NALF1: variants seen among roughly 807,000 people sequenced by gnomAD.
NALF1 encodes the protein NALCN channel auxiliary factor 1.
A neutral mutation model predicts 48.4 loss-of-function variants in NALF1; 3 were observed. The observed-to-expected ratio is 0.06, with a 90% CI of 0.03 to 0.16. The LOEUF is 0.16. Among genes scored for constraint, NALF1 ranks in the 10% least tolerant of loss-of-function variants. The probability of loss-of-function intolerance (pLI) is 1.00; values close to 1 mark genes in which losing one functional copy is unlikely to be tolerated. For synonymous variants in NALF1, 262 were observed against 245.7 expected, an observed-to-expected ratio of 1.07 and a Z score of -0.62; for missense variants, 526 against 571.5, an observed-to-expected ratio of 0.92 and a Z score of 0.81.
chr13:107,317,377 G>A (rs1882170987), intron 1 of NALF1, among the ~76,000 whole-genome samples: 1 of 151,978 alleles, frequency 6.6e-6, no homozygotes, highest in African/African-American at 2.4e-5. Context: ...ACCATTCTAT[G>A]ATCCCATTGA....
chr13:107,488,090 G>A (rs1157722605), intron 1 of NALF1, among the ~76,000 whole-genome samples: 1 of 151,630 alleles, frequency 6.6e-6, no homozygotes, highest in African/African-American at 2.4e-5. Flanking sequence ...ATGGTTGTTT[G>A]TATTTCTGTG....
At chr13:107,203,605 C>CA (rs1879569068) in intron 2 of NALF1, among the ~76,000 whole-genome samples, 1 of 124,988 alleles carries the variant, frequency 8.0e-6, no homozygotes, top group Admixed American at 8.0e-5. Flanking sequence ...TGCTGTGCTC[C>CA]ATCCCCGTGG....
intron 1 of NALF1, among the ~76,000 whole-genome samples, chr13:107,699,080 C>T (rs561301711): frequency 6.6e-6 from 1 of 152,228 alleles, no homozygotes; most frequent in African/African-American, 2.4e-5. Flanking sequence ...GCTTATATCA[C>T]AACAAATATC....
chr13:107,798,160 G>A (rs1594274372), intron 1 of NALF1, among the ~76,000 whole-genome samples: 2 of 152,092 alleles, frequency 1.3e-5, no homozygotes, highest in Non-Finnish European at 2.9e-5. Flanking sequence ...GGGGCGCTAC[G>A]GCATCTGTCC....
At chr13:107,575,486 T>C (rs1019513780) in intron 1 of NALF1, among the ~76,000 whole-genome samples, 6 of 152,118 alleles carry the variant, frequency 3.9e-5, no homozygotes, top group South Asian at 2.1e-4. Flanking sequence ...CTTCTATACA[T>C]CCTGAAGAGC....
rs1402980085 is a variant in NALF1, at chr13:107,346,177, G to A, written c.916-135422C>T. Among the ~76,000 whole-genome samples the A allele has an allele frequency of 2.0e-5, 3 of 151,884 alleles. No homozygotes were observed. In the East Asian group the frequency reaches 5.8e-4, roughly 29 times the overall value. ...TGCGTACTTTGTTGGGGGCGGGGGGGCAGATTGTAAATTGGCATAGCTATT... is the reference window on the plus strand; with the variant it reads ...TGCGTACTTTGTTGGGGGCGGGGGGACAGATTGTAAATTGGCATAGCTATT... On this transcript the variant is annotated intron_variant, in intron 1 of 2. Transcript: ENST00000375915.
Position 107,866,918 on chromosome 13 carries a change from G to C in NALF1, c.-322C>G, listed in dbSNP as rs549127147. On this transcript the variant is annotated 5_prime_UTR_variant, in exon 1 of 3. Transcript: ENST00000375915. The surrounding 1 kb of genome is among the most constrained non-coding windows in gnomAD (Gnocchi z 4.4). ...AATAATGGAGAGAGAGAGAGAGAGA[G>C]AGACGGAGGAGGCTGGTGCTGGTGG... 5.9e-5 allele frequency among the ~76,000 whole-genome samples: 9 copies of C among 152,056 alleles called. No individual in the cohort carries two copies. The highest frequency in any genetic ancestry group is 1.9e-4 in the African/African-American group (8 of 41,428).
At chr13:107,213,086 G>A (rs750357128) in intron 1 of NALF1, among the ~76,000 whole-genome samples, 4 of 151,986 alleles carry the variant, frequency 2.6e-5, no homozygotes, top group South Asian at 2.1e-4. Flanking sequence ...ACGGTGGGGC[G>A]TCCAGTATTG....
intron 1 of NALF1, among the ~76,000 whole-genome samples, chr13:107,851,950 G>A (rs1880330871): frequency 6.6e-6 from 1 of 150,770 alleles, no homozygotes; most frequent in Non-Finnish European, 1.5e-5. Context: ...CTTGGACTCA[G>A]TGCATGCCAC....
chr13:107,676,476 C>A lies in NALF1; in HGVS notation c.915+189206G>T, dbSNP rs368593663. Among the ~76,000 whole-genome samples the A allele has an allele frequency of 2.5e-4, 38 of 152,206 alleles. No homozygotes were observed. In the South Asian group the frequency reaches 7.1e-3, roughly 28 times the overall value. ...GCATAGGTAAAATCACCTGTCAAGGCTAGAGGAATGGGGCTAGCTTAGGAG... is the reference window on the plus strand; with the variant it reads ...GCATAGGTAAAATCACCTGTCAAGGATAGAGGAATGGGGCTAGCTTAGGAG... On this transcript the variant is annotated intron_variant, in intron 1 of 2. Transcript: ENST00000375915.
chr13:107,852,558 T>C (rs978901614), intron 1 of NALF1, among the ~76,000 whole-genome samples: 4 of 152,202 alleles, frequency 2.6e-5, no homozygotes, highest in Admixed American at 6.5e-5. Flanking sequence ...AATGATCATA[T>C]CCTTTGCACA....
At chr13:107,491,023 G>A (rs1470160892) in intron 1 of NALF1, among the ~76,000 whole-genome samples, 1 of 152,096 alleles carries the variant, frequency 6.6e-6, no homozygotes, top group Admixed American at 6.6e-5. Context: ...TATCTTAAAG[G>A]TATCTGATGA....
Position 107,839,688 on chromosome 13 carries a change from A to C in NALF1, c.915+25994T>G, listed in dbSNP as rs141840078. Among the ~76,000 whole-genome samples, 346 of 149,794 alleles carry C rather than the reference A, an allele frequency of 2.3e-3. 2 individuals are homozygous for C. Among genetic ancestry groups the C allele is most frequent in the African/African-American group, 7.9e-3 (327 of 41,292 alleles). On this transcript the variant is annotated intron_variant, in intron 1 of 2. Coordinates refer to ENST00000375915, the MANE Select transcript of NALF1 (RefSeq NM_001080396.3). ...GAAAATGTGGTCCTGCATAAGAAAA[A>C]AAAACTCTTAAGTATTATTTAATTT...
chr13:107,843,585 G>C (rs369517114), intron 1 of NALF1, among the ~76,000 whole-genome samples: 33 of 152,234 alleles, frequency 2.2e-4, no homozygotes, highest in African/African-American at 7.5e-4. Context: ...ATCCCCAAGT[G>C]CTTCCCCTGG....
chr13:107,243,023 C>T (rs1009010855), intron 1 of NALF1, among the ~76,000 whole-genome samples: 1 of 152,124 alleles, frequency 6.6e-6, no homozygotes, highest in African/African-American at 2.4e-5. Context: ...CAGTGCGATT[C>T]ATCTCCACAC....
chr13:107,801,145 T>C lies in NALF1; in HGVS notation c.915+64537A>G, dbSNP rs1525013. On this transcript the variant is annotated intron_variant, in intron 1 of 2. Transcript: ENST00000375915. ...ATACAAAACACAAAGGTACATCACA[T>C]AGCGTAGCATTAAGATGTTTGTTAG... 5.4e-3 allele frequency among the ~76,000 whole-genome samples: 829 copies of C among 152,288 alleles called. 5 individuals carry two copies. The highest frequency in any genetic ancestry group is 0.018 in the African/African-American group (754 of 41,572).
At chr13:107,500,650 C>T (rs555125692) in intron 1 of NALF1, among the ~76,000 whole-genome samples, 1 of 151,006 alleles carries the variant, frequency 6.6e-6, no homozygotes, top group African/African-American at 2.4e-5. Context: ...AAGACACATG[C>T]ACACGTATGT....
intron 1 of NALF1, among the ~76,000 whole-genome samples, chr13:107,480,579 G>A (rs1885239450): frequency 2.0e-5 from 3 of 152,108 alleles, no homozygotes; most frequent in Non-Finnish European, 4.4e-5. Flanking sequence ...GACAGCTGAT[G>A]AGTTAAAAAC....
chr13:107,630,910 C>T (rs1030979655), intron 1 of NALF1, among the ~76,000 whole-genome samples: 4 of 152,148 alleles, frequency 2.6e-5, no homozygotes, highest in African/African-American at 9.6e-5. Flanking sequence ...CCTTTTTAAT[C>T]TAGGGACCTA....
Sources: gnomAD v4.1 joint callset for allele counts (sites outside exome capture counted in the v4.1 genomes callset) on GRCh38, gnomAD v4.1.1 for gene constraint, Gnocchi (gnomAD v3.1) non-coding constraint, MANE v1.5 for transcripts, NCBI Gene and HGNC (gene_info 2026-07-23, HGNC 2026-07-21) for gene names.